Variants in MTHFD2L observed in about 807,000 individuals in gnomAD.
MTHFD2L encodes the protein bifunctional methylenetetrahydrofolate dehydrogenase/cyclohydrolase 2, mitochondrial.
MTHFD2L carries 29 observed loss-of-function variants against 34.9 expected under a neutral mutation model. The ratio of observed to expected loss-of-function variants is 0.83; its 90% CI spans 0.62 to 1.13. MTHFD2L has a LOEUF of 1.13. Ranked by LOEUF, MTHFD2L falls within the 50% of genes most tolerant of loss-of-function variation. The probability of loss-of-function intolerance (pLI) is 0.00; values close to 1 mark genes in which losing one functional copy is unlikely to be tolerated. For missense variants in MTHFD2L, 481 were observed against 446.5 expected (o/e 1.08, Z -0.70); for synonymous variants, 167 against 155.7 (o/e 1.07, Z -0.54).
intron 1 of MTHFD2L, among the ~76,000 whole-genome samples, chr4:74,127,815 A>G (rs1053749941): frequency 2.6e-5 from 4 of 152,050 alleles, no homozygotes; most frequent in Admixed American, 6.6e-5. Context: ...TTTTTGGAGG[A>G]ACCTCCATAC....
intron 3 of MTHFD2L, among the ~76,000 whole-genome samples, chr4:74,188,493 A>T (rs1394955674): frequency 1.3e-5 from 2 of 152,150 alleles, no homozygotes; most frequent in Admixed American, 6.5e-5. Flanking sequence ...AAATACAATC[A>T]CATTAAGTGT....
At chr4:74,149,740 T>C (rs937194419) in intron 1 of MTHFD2L, among the ~76,000 whole-genome samples, 1 of 152,210 alleles carries the variant, frequency 6.6e-6, no homozygotes, top group African/African-American at 2.4e-5. Flanking sequence ...TCAGGAATAT[T>C]CTTCTTGTTG....
At chr4:74,219,638 C>T (rs572517888) in intron 5 of MTHFD2L, among the ~76,000 whole-genome samples, 1 of 152,208 alleles carries the variant, frequency 6.6e-6, no homozygotes, top group South Asian at 2.1e-4. Context: ...GTGTCAGGAC[C>T]AGGAACAGGC....
intron 6 of MTHFD2L, among the ~76,000 whole-genome samples, chr4:74,242,880 G>A (rs1741918471): frequency 6.6e-6 from 1 of 152,184 alleles, no homozygotes; most frequent in Admixed American, 6.5e-5. Context: ...AAACCAACAT[G>A]TGTTTAAATT....
intron 6 of MTHFD2L, among the ~76,000 whole-genome samples, chr4:74,279,600 A>T (rs1747157280): frequency 6.6e-6 from 1 of 152,144 alleles, no homozygotes. Context: ...TGTTATAATA[A>T]TCAGAGGGAG....
chr4:74,198,095 A>G (rs1733791554), intron 3 of MTHFD2L, among the ~76,000 whole-genome samples: 1 of 152,192 alleles, frequency 6.6e-6, no homozygotes, highest in Non-Finnish European at 1.5e-5. Flanking sequence ...TTAAATATTT[A>G]AGACAAACCA....
intron 7 of MTHFD2L, among the ~76,000 whole-genome samples, chr4:74,290,998 CTTTTCTTTTTTTTT>C (rs1373622549): frequency 1.1e-4 from 5 of 46,156 alleles, no homozygotes; most frequent in African/African-American, 3.4e-4. Context: ...TTTATTTTTC[CTTTTCTTTTTTTTT>C]TTTTTTTTTT....
At position 74,158,159 on chromosome 4, in the gene MTHFD2L, C is replaced by T; in HGVS notation, c.21C>T (p.Gly7=). The T allele has an allele frequency of 5.9e-6, 9 of 1,529,982 alleles. No homozygotes were observed. Among genetic ancestry groups the T allele is most frequent in the Middle Eastern group, 1.8e-4 (1 of 5,620 alleles). 94.8% of individuals were successfully genotyped at this position (1,529,982 alleles called of 1,614,324 possible). The part of the protein sequence containing the change: MTVPVR[G]FSLLRGRLGR... Reference sequence around the variant, plus strand: ...CGGCCATGACGGTGCCGGTCCGCGGCTTCTCGCTGCTCCGCGGCCGCCTTG... The same window carrying T: ...CGGCCATGACGGTGCCGGTCCGCGGTTTCTCGCTGCTCCGCGGCCGCCTTG... The change falls in exon 1 of 8, where the codon GGC becomes GGT. Residue 7 remains glycine (G), a synonymous_variant. Coordinates refer to ENST00000325278, the MANE Select transcript of MTHFD2L (RefSeq NM_001144978.3).
At chr4:74,256,915 T>C (rs1744099774) in intron 6 of MTHFD2L, among the ~76,000 whole-genome samples, 1 of 152,328 alleles carries the variant, frequency 6.6e-6, no homozygotes, top group South Asian at 2.1e-4. Context: ...TTTGTTCTTT[T>C]TGCTTAGGAT....
chr4:74,207,210 AGAG>A (rs1344514011), intron 5 of MTHFD2L, among the ~76,000 whole-genome samples: 1 of 152,128 alleles, frequency 6.6e-6, no homozygotes, highest in African/African-American at 2.4e-5. Flanking sequence ...TCATATTCTT[AGAG>A]TAAGTTTCTC....
At chr4:74,184,772 A>C (rs971968082) in intron 3 of MTHFD2L, among the ~76,000 whole-genome samples, 3 of 152,186 alleles carry the variant, frequency 2.0e-5, no homozygotes, top group Non-Finnish European at 4.4e-5. Context: ...TAGGCCATAA[A>C]ACTAATCTCA....
intron 7 of MTHFD2L, among the ~76,000 whole-genome samples, chr4:74,287,792 G>A (rs545771138): frequency 3.6e-4 from 55 of 152,296 alleles, no homozygotes; most frequent in African/African-American, 1.1e-3. Context: ...TCTGGAATTA[G>A]GGAGACAGTC....
chr4:74,280,977 C>G (rs1391043086), intron 6 of MTHFD2L, among the ~76,000 whole-genome samples: 1 of 151,878 alleles, frequency 6.6e-6, no homozygotes, highest in Non-Finnish European at 1.5e-5. Context: ...CTTTCCCCCT[C>G]CCTTCCTTTC....
chr4:74,215,801 C>T (rs1737110095), intron 5 of MTHFD2L, among the ~76,000 whole-genome samples: 2 of 151,724 alleles, frequency 1.3e-5, no homozygotes, highest in African/African-American at 2.4e-5. Context: ...AAGACTTTTA[C>T]TAAATATAGG....
At chr4:74,253,844 G>C (rs995756996) in intron 6 of MTHFD2L, among the ~76,000 whole-genome samples, 1 of 152,100 alleles carries the variant, frequency 6.6e-6, no homozygotes, top group African/African-American at 2.4e-5. Flanking sequence ...TCAGGCCCCA[G>C]GTCTACCTCA....
chr4:74,213,098 G>A (rs998768763), intron 5 of MTHFD2L, among the ~76,000 whole-genome samples: 4 of 151,648 alleles, frequency 2.6e-5, no homozygotes, highest in Non-Finnish European at 5.9e-5. Flanking sequence ...GTCTTTGCAC[G>A]TGAGATGGGT....
intron 1 of MTHFD2L, among the ~76,000 whole-genome samples, chr4:74,173,950 CAG>C (rs2109955547): frequency 1.3e-5 from 2 of 152,236 alleles, no homozygotes; most frequent in East Asian, 3.9e-4. Flanking sequence ...GCTGCTATAA[CAG>C]AATACTGTAC....
intron 7 of MTHFD2L, among the ~76,000 whole-genome samples, chr4:74,291,227 G>A (rs1748919024): frequency 6.6e-6 from 1 of 151,392 alleles, no homozygotes; most frequent in South Asian, 2.1e-4. Context: ...ATGTTGACCA[G>A]GATGGTCTTG....
At chr4:74,133,490 C>A (rs1189559958) in intron 1 of MTHFD2L, among the ~76,000 whole-genome samples, 1 of 151,818 alleles carries the variant, frequency 6.6e-6, no homozygotes, top group Non-Finnish European at 1.5e-5. Flanking sequence ...TTAAAGGTGG[C>A]CTTCATTTCT....
Sources: allele counts gnomAD v4.1 joint callset (sites outside exome capture counted in the v4.1 genomes callset), GRCh38; gene constraint gnomAD v4.1.1; transcripts MANE v1.5; gene names NCBI Gene and HGNC (gene_info 2026-07-23, HGNC 2026-07-21).